MAPK8IP2: variants seen among roughly 807,000 people sequenced by gnomAD.
MAPK8IP2 encodes C-Jun-amino-terminal kinase-interacting protein 2.
A neutral mutation model predicts 75.6 loss-of-function variants in MAPK8IP2; 15 were observed. The observed-to-expected ratio is 0.20, with a 90% CI of 0.13 to 0.31. The LOEUF (loss-of-function observed/expected upper bound fraction) is 0.31. MAPK8IP2 is among the 10% of genes least tolerant of loss of function. The pLI is 1.00. For synonymous variants in MAPK8IP2, 632 were observed against 554.5 expected, an observed-to-expected ratio of 1.14 and a Z score of -1.96; for missense variants, 1,089 against 1,211.2, an observed-to-expected ratio of 0.90 and a Z score of 1.50.
At position 50,604,828 on chromosome 22, in the gene MAPK8IP2, A is replaced by G; in HGVS notation, c.1529A>G (p.Lys510Arg). 6.4e-7 allele frequency: 1 copy of G among 1,572,802 alleles called. No individual in the cohort carries two copies. The highest frequency in any genetic ancestry group is 1.1e-5 in the South Asian group (1 of 87,016). ...RDASLVYDAV[K>R]YTLVVDEHTQ... ...GCGTCGCTGGTGTACGACGCGGTCAAGTACACGCTGGTGGTGGATGAGCAC... is the reference window on the plus strand; with the variant it reads ...GCGTCGCTGGTGTACGACGCGGTCAGGTACACGCTGGTGGTGGATGAGCAC... The change falls in exon 5 of 12, where the codon AAG (lysine) becomes AGG (arginine). Residue 510 changes from lysine to arginine, a missense_variant. Transcript: ENST00000329492.
intron 10 of MAPK8IP2, among the ~76,000 whole-genome samples, chr22:50,608,907 T>G (rs369083960): frequency 1.1e-4 from 17 of 152,210 alleles, no homozygotes; most frequent in African/African-American, 3.9e-4. Flanking sequence ...TGACCCAAAT[T>G]TCTCATCAGA....
In MAPK8IP2 at chr22:50,600,799, G is replaced by T. The variant is rs2070921208; in HGVS notation, c.-20G>T. 3 of 1,243,354 alleles carry T rather than the reference G, an allele frequency of 2.4e-6. No individual in the cohort carries two copies. The highest frequency in any genetic ancestry group is 3.3e-5 in the African/African-American group (2 of 61,158). 77.0% of individuals were successfully genotyped at this position (1,243,354 alleles called of 1,614,324 possible). ...GGCTCCCGCACCCCCCGCCGCAGTC[G>T]CGGGCCTCTCCCGGAGAAGATGGCG... On this transcript the variant is annotated 5_prime_UTR_variant, in exon 1 of 12. Coordinates refer to ENST00000329492, the MANE Select transcript of MAPK8IP2 (RefSeq NM_012324.6).
In MAPK8IP2 at chr22:50,610,562, T is replaced by C; in HGVS notation, c.2403-145T>C. ...GGGCCAGGAGAGCTGAGGGTCACAC[T>C]TGGGGGTGACATGGCCATGCCTGGG... On this transcript the variant is annotated intron_variant, in intron 11 of 11. Coordinates refer to ENST00000329492, the MANE Select transcript of MAPK8IP2 (RefSeq NM_012324.6). The surrounding 1 kb of genome is among the most constrained non-coding windows in gnomAD (Gnocchi z 4.3). 1.4e-6 allele frequency: 1 copy of C among 730,564 alleles called. No homozygotes were observed. The highest frequency in any genetic ancestry group is 1.7e-5 in the South Asian group (1 of 59,354). The allele number at this position is 730,564 out of a possible 1,614,324, so 45.3% of individuals were successfully genotyped here.
At position 50,610,814 on chromosome 22, in the gene MAPK8IP2, C is replaced by T. The variant is rs750466161; in HGVS notation, c.*35C>T. On this transcript the variant is annotated 3_prime_UTR_variant, in exon 12 of 12. Coordinates refer to ENST00000329492, the MANE Select transcript of MAPK8IP2 (RefSeq NM_012324.6). This position sits in a 1 kb window ranked among gnomAD's most constrained non-coding sequence, Gnocchi z 4.3. ...CGCTCTGTCTCCTGGCCGTCTGCTC[C>T]AGGCGCAGCTGGGGCTGAGGATGTC... 3.2e-6 allele frequency: 5 copies of T among 1,552,928 alleles called. No individual in the cohort carries two copies. In the East Asian group the frequency reaches 9.5e-5, roughly 29 times the overall value.
Position 50,610,159 on chromosome 22 carries a change from G to A in MAPK8IP2, c.2304-53G>A. The A allele has an allele frequency of 7.3e-7, 1 of 1,362,320 alleles. No individual in the cohort carries two copies. Among genetic ancestry groups the A allele is most frequent in the Non-Finnish European group, 1.0e-6 (1 of 971,558 alleles). 84.4% of individuals were successfully genotyped at this position (1,362,320 alleles called of 1,614,324 possible). A position where few individuals can be genotyped will look rare whatever the true frequency, so the allele number is the denominator to read the frequency against. On this transcript the variant is annotated intron_variant, in intron 10 of 11. Transcript: ENST00000329492. The surrounding 1 kb of genome is among the most constrained non-coding windows in gnomAD (Gnocchi z 4.3). ...CTTCTCTCTACATCATTTGTGGGGTGGCCAAGGCTGGGCCAGGGCTCTGAC... is the reference window on the plus strand; with the variant it reads ...CTTCTCTCTACATCATTTGTGGGGTAGCCAAGGCTGGGCCAGGGCTCTGAC...
chr22:50,610,409 T>A lies in MAPK8IP2; in HGVS notation c.2402+99T>A, dbSNP rs1603444474. 7.6e-6 allele frequency: 8 copies of A among 1,050,320 alleles called. No homozygotes were observed. Among genetic ancestry groups the A allele is most frequent in the South Asian group, 6.8e-5 (5 of 73,492 alleles). The allele number at this position is 1,050,320 out of a possible 1,614,324, so 65.1% of individuals were successfully genotyped here. A position where few individuals can be genotyped will look rare whatever the true frequency, so the allele number is the denominator to read the frequency against. ...GGGGGCAGGAGCCTGGCAGGGGAGGTCTGGGGAAGGAGAACCAGATGTGCT... is the reference window on the plus strand; with the variant it reads ...GGGGGCAGGAGCCTGGCAGGGGAGGACTGGGGAAGGAGAACCAGATGTGCT... On this transcript the variant is annotated intron_variant, in intron 11 of 11. Transcript: ENST00000329492. The surrounding 1 kb of genome is among the most constrained non-coding windows in gnomAD (Gnocchi z 4.3).
chr22:50,601,612 G>A (rs1409396577), intron 1 of MAPK8IP2, among the ~76,000 whole-genome samples, 177 bp from the exon 2 acceptor site: 1 of 152,170 alleles, frequency 6.6e-6, no homozygotes, highest in Admixed American at 6.5e-5. Context: ...TGGGGGAGGG[G>A]ATCCACAGGC....
chr22:50,610,867 G>A lies in MAPK8IP2; in HGVS notation c.*88G>A. ...AAGAGGCCACCATGGCTTTGGCAAG[G>A]ACTGGATTGGGGGGACATGGGACCT... On this transcript the variant is annotated 3_prime_UTR_variant, in exon 12 of 12. Coordinates refer to ENST00000329492, the MANE Select transcript of MAPK8IP2 (RefSeq NM_012324.6). This position sits in a 1 kb window ranked among gnomAD's most constrained non-coding sequence, Gnocchi z 4.3. The A allele has an allele frequency of 8.2e-7, 1 of 1,214,602 alleles. No individual in the cohort carries two copies. The highest frequency in any genetic ancestry group is 1.2e-6 in the Non-Finnish European group (1 of 857,754). The allele number at this position is 1,214,602 out of a possible 1,614,324, so 75.2% of individuals were successfully genotyped here.
chr22:50,602,562 A>G (rs1195197757), intron 2 of MAPK8IP2, among the ~76,000 whole-genome samples: 1 of 152,212 alleles, frequency 6.6e-6, no homozygotes, highest in Non-Finnish European at 1.5e-5. Context: ...AACCCAATCC[A>G]CACTGAAGGA....
chr22:50,604,792 C>T lies in MAPK8IP2; in HGVS notation c.1493C>T (p.Ala498Val), dbSNP rs1411619128. 1 of 1,547,118 alleles carries T rather than the reference C, an allele frequency of 6.5e-7. No individual in the cohort carries two copies. Reference sequence around the variant, plus strand: ...GGGGGCAGGGGCACGGGCCCCTCGGCGCCGCGGGACGCGTCGCTGGTGTAC... The same window carrying T: ...GGGGGCAGGGGCACGGGCCCCTCGGTGCCGCGGGACGCGTCGCTGGTGTAC... ...SPGGRGTGPS[A>V]PRDASLVYDA... is the part of the protein sequence containing the mutation. The change falls in exon 5 of 12, where the codon GCG becomes GTG. Residue 498 changes from alanine (A) to valine (V), a missense_variant. Around this residue, in one of 2 missense-constraint regions of MAPK8IP2, gnomAD observed 960 missense variants for 1,009.6 expected, o/e 0.95. Transcript: ENST00000329492.
Position 50,604,891 on chromosome 22 carries a change from G to T in MAPK8IP2, c.1592G>T (p.Gly531Val). 1 of 1,609,030 alleles carries T rather than the reference G, an allele frequency of 6.2e-7. No homozygotes were observed. The highest frequency in any genetic ancestry group is 1.1e-5 in the South Asian group (1 of 90,804). ...LELVSLRRCA[G>V]LGHDSEEDSG... is the part of the protein sequence containing the mutation. ...CTGGTGAGCCTGCGGCGCTGTGCTGGGCTGGGCCACGACAGCGAAGAGGAC... is the reference window on the plus strand; with the variant it reads ...CTGGTGAGCCTGCGGCGCTGTGCTGTGCTGGGCCACGACAGCGAAGAGGAC... The change falls in exon 5 of 12, where the codon GGG becomes GTG. Residue 531 changes from glycine (G) to valine (V), a missense_variant. By Grantham distance (109) the Gly-to-Val change is moderately radical (BLOSUM62 -3). This residue lies in a region of MAPK8IP2 where 960 missense variants were observed against 1,009.6 expected (regional missense o/e 0.95). Transcript: ENST00000329492.
chr22:50,605,531 C>A, intron 6 of MAPK8IP2, 31 bp from the exon 7 acceptor site: 1 of 933,012 alleles, frequency 1.1e-6, no homozygotes. Flanking sequence ...AATCCCGCCC[C>A]CCTCCCCAGT....
rs1173760622 is a variant in MAPK8IP2, at chr22:50,613,965, C to T, written c.*3186C>T. 1 of 152,192 alleles carries T rather than the reference C, an allele frequency of 6.6e-6. No homozygotes were observed. Among genetic ancestry groups the T allele is most frequent in the Non-Finnish European group, 1.5e-5 (1 of 68,040 alleles). The allele number at this position is 152,192 out of a possible 1,614,324, so 9.4% of individuals were successfully genotyped here. On this transcript the variant is annotated 3_prime_UTR_variant, in exon 12 of 12. Coordinates refer to ENST00000329492, the MANE Select transcript of MAPK8IP2 (RefSeq NM_012324.6). ...CAAGGATGGCGTTCTAAATAAAACG[C>T]GTTCTACAGAAAAGTGTTTATTGCA...
At position 50,604,232 on chromosome 22, in the gene MAPK8IP2, C is replaced by T. The variant is rs751538303; in HGVS notation, c.933C>T (p.Arg311=). ...SSPASEPEPP[R]EPPRRPAFLP... is the part of the protein sequence containing the mutation. ...CCGCCTCGGAGCCGGAGCCCCCGCG[C>T]GAACCCCCGCGCCGCCCCGCCTTCC... Residue 311 remains arginine (R), a synonymous_variant, in exon 5 of 12, where the codon CGC becomes CGT. Transcript: ENST00000329492. 13 of 1,560,074 alleles carry T rather than the reference C, an allele frequency of 8.3e-6. No individual in the cohort carries two copies. The highest frequency in any genetic ancestry group is 4.7e-5 in the East Asian group (2 of 42,486).
rs2070975090 is a variant in MAPK8IP2, at chr22:50,603,448, C to G, written c.397C>G (p.Pro133Ala). Residue 133 changes from proline to alanine, a missense_variant, in exon 3 of 12, where the codon CCC becomes GCC. By Grantham distance (27) the Pro-to-Ala change is conservative (BLOSUM62 -1). Transcript: ENST00000329492. ...PLIPSPSVEEPHKHRPTTLRL... is the reference protein window; with the variant it reads ...PLIPSPSVEEAHKHRPTTLRL... Reference sequence around the variant, plus strand: ...TATCCCCTCCCCTTCCGTGGAGGAGCCCCACAAGCACCGGCCCACCACCCT... The same window carrying G: ...TATCCCCTCCCCTTCCGTGGAGGAGGCCCACAAGCACCGGCCCACCACCCT... The G allele has an allele frequency of 6.4e-7, 1 of 1,568,924 alleles. No homozygotes were observed. The highest frequency in any genetic ancestry group is 1.2e-5 in the South Asian group (1 of 83,328).
intron 1 of MAPK8IP2, 57 bp downstream of exon 1, chr22:50,600,940 A>G (rs1279530438): frequency 3.2e-6 from 2 of 616,568 alleles, no homozygotes; most frequent in African/African-American, 2.9e-5. Flanking sequence ...CACCCCCCCG[A>G]CCCCGACCCG....
At chr22:50,601,490 C>T in intron 1 of MAPK8IP2, 4 of 363,730 alleles carry the variant, frequency 1.1e-5, no homozygotes, top group South Asian at 9.6e-5. Flanking sequence ...AAGACCCTGA[C>T]CCCAGGGGCC....
At position 50,611,277 on chromosome 22, in the gene MAPK8IP2, G is replaced by C. The variant is rs2071145544; in HGVS notation, c.*498G>C. On this transcript the variant is annotated 3_prime_UTR_variant, in exon 12 of 12. Transcript: ENST00000329492. This position sits in a 1 kb window ranked among gnomAD's most constrained non-coding sequence, Gnocchi z 5.5. The stretch of plus-strand genomic sequence containing the variant: ...CATCCTTGACCACAGGGACAAGAGG[G>C]GCCCCCTCGCCCCAGCCCCACCCCA... 6.5e-6 allele frequency: 1 copy of C among 153,344 alleles called. No individual in the cohort carries two copies. Among genetic ancestry groups the C allele is most frequent in the African/African-American group, 2.4e-5 (1 of 41,458 alleles). 9.5% of individuals were successfully genotyped at this position (153,344 alleles called of 1,614,324 possible).
chr22:50,605,963 C>T, intron 8 of MAPK8IP2, 29 bp downstream of exon 8: 1 of 1,519,728 alleles, frequency 6.6e-7, no homozygotes, highest in Non-Finnish European at 8.9e-7. Flanking sequence ...CAAGTGCAGG[C>T]TGAGGGTCCG....
Sources: gnomAD v4.1 joint callset for allele counts (sites outside exome capture counted in the v4.1 genomes callset) on GRCh38, gnomAD v4.1.1 for gene constraint, gnomAD v4.1.1 regional missense constraint, Gnocchi (gnomAD v3.1) non-coding constraint, MANE v1.5 for transcripts, NCBI Gene and HGNC (gene_info 2026-07-23, HGNC 2026-07-21) for gene names.